MAML1: variants seen among roughly 807,000 people sequenced by gnomAD.
MAML1 encodes the protein mastermind like transcriptional coactivator 1.
A neutral mutation model predicts 77.1 loss-of-function variants in MAML1; 14 were observed. The ratio of observed to expected loss-of-function variants is 0.18; its 90% CI spans 0.12 to 0.28. The LOEUF (loss-of-function observed/expected upper bound fraction) is 0.28, where lower values mean the gene tolerates loss of function less well. Among genes scored for constraint, MAML1 ranks in the 10% least tolerant of loss-of-function variants. The pLI, the probability that MAML1 is intolerant of heterozygous loss-of-function variation, is 1.00. For missense variants in MAML1, 1,217 were observed against 1,327.8 expected, an observed-to-expected ratio of 0.92 and a Z score of 1.30; for synonymous variants, 516 against 551.9, an observed-to-expected ratio of 0.93 and a Z score of 0.91.
rs1299820190 is a variant in MAML1 at position 179,733,133 on chromosome 5, C to T, written c.21C>T (p.Pro7=). The T allele has an allele frequency of 1.5e-5, 21 of 1,442,924 alleles. No individual in the cohort carries two copies. Among genetic ancestry groups the T allele is most frequent in the East Asian group, 6.3e-5 (2 of 31,516 alleles). 89.4% of individuals were successfully genotyped at this position (1,442,924 alleles called of 1,614,324 possible). Reference sequence around the variant, plus strand: ...GGCCCATGGTGCTGCCCACCTGCCCCATGGCGGAGTTCGCGCTGCCGCGGC... The same window carrying T: ...GGCCCATGGTGCTGCCCACCTGCCCTATGGCGGAGTTCGCGCTGCCGCGGC... MVLPTC[P]MAEFALPRHS... Residue 7 remains proline (P), a synonymous_variant, in exon 1 of 5, where the codon CCC becomes CCT. Transcript: ENST00000292599.
intron 4 of MAML1, among the ~76,000 whole-genome samples, chr5:179,772,222 G>A (rs1215570710): frequency 6.6e-6 from 1 of 152,110 alleles, no homozygotes; most frequent in Non-Finnish European, 1.5e-5. Flanking sequence ...AGGTTCAAGC[G>A]ATTCTCCTGC....
At chr5:179,747,689 A>T (rs906271240) in intron 1 of MAML1, among the ~76,000 whole-genome samples, 1 of 150,840 alleles carries the variant, frequency 6.6e-6, no homozygotes, top group Non-Finnish European at 1.5e-5. Context: ...GGGCACCTGT[A>T]GTCCCAGCTA....
intron 3 of MAML1, among the ~76,000 whole-genome samples, chr5:179,770,688 G>A (rs1419238259): frequency 2.6e-5 from 4 of 151,998 alleles, no homozygotes; most frequent in Non-Finnish European, 1.5e-5. Flanking sequence ...ATTTTTCTTG[G>A]GTAGATACCT....
At position 179,733,274 on chromosome 5, in the gene MAML1, A is replaced by C. The variant is rs983082491; in HGVS notation, c.162A>C (p.Gln54His). ...CCGAGCGCCTGGAGCTGGAGCGCCA[A>C]CACACCTTCGCCCTGCACCAGCGCT... The part of the protein sequence containing the change: ...VSPERLELER[Q>H]HTFALHQRCI... Residue 54 changes from glutamine to histidine, a missense_variant, in exon 1 of 5, where the codon CAA becomes CAC. Around this residue, in one of 3 missense-constraint regions of MAML1, gnomAD observed 312 missense variants for 331.4 expected, o/e 0.94. Coordinates refer to ENST00000292599, the MANE Select transcript of MAML1 (RefSeq NM_014757.5). 6.8e-7 allele frequency: 1 copy of C among 1,460,674 alleles called. No individual in the cohort carries two copies. Among genetic ancestry groups the C allele is most frequent in the African/African-American group, 1.5e-5 (1 of 67,512 alleles). 90.5% of individuals were successfully genotyped at this position (1,460,674 alleles called of 1,614,324 possible).
At chr5:179,745,593 G>T (rs1779362939) in intron 1 of MAML1, among the ~76,000 whole-genome samples, 2 of 151,752 alleles carry the variant, frequency 1.3e-5, no homozygotes, top group Admixed American at 1.3e-4. Context: ...AGGTGCAGTG[G>T]CTCACACCTG....
chr5:179,762,778 T>C (rs1307481182), intron 1 of MAML1, among the ~76,000 whole-genome samples: 1 of 152,196 alleles, frequency 6.6e-6, no homozygotes, highest in Non-Finnish European at 1.5e-5. Context: ...TATCAGACAC[T>C]CCTGCAAATG....
intron 1 of MAML1, among the ~76,000 whole-genome samples, chr5:179,753,651 A>ATT (rs372124056): frequency 0.22 from 13,451 of 60,834 alleles, 858 homozygotes; most frequent in South Asian, 0.29. Flanking sequence ...TATTATTATT[A>ATT]TTATTTTTTT....
rs78516477 is a variant in MAML1, at chr5:179,742,846, G to A, written c.315+9419G>A. Among the ~76,000 whole-genome samples, 687 of 152,106 alleles carry A rather than the reference G, an allele frequency of 4.5e-3. 4 individuals are homozygous for A. The highest frequency in any genetic ancestry group is 6.6e-3 in the Non-Finnish European group (448 of 68,014). The stretch of plus-strand genomic sequence containing the variant: ...AGAACATTTCAAATCTTTAATATGC[G>A]GCTATGCATGAAGACATGAGCTCTT... On this transcript the variant is annotated intron_variant, in intron 1 of 4. Coordinates refer to ENST00000292599, the MANE Select transcript of MAML1 (RefSeq NM_014757.5).
intron 1 of MAML1, among the ~76,000 whole-genome samples, chr5:179,736,725 G>GC (rs1372155491): frequency 6.6e-6 from 1 of 152,054 alleles, no homozygotes; most frequent in East Asian, 1.9e-4. Flanking sequence ...ACTTTGGGAG[G>GC]CAGAGGTGGG....
intron 1 of MAML1, among the ~76,000 whole-genome samples, chr5:179,757,593 G>A (rs919485854): frequency 6.6e-6 from 1 of 152,002 alleles, no homozygotes; most frequent in Admixed American, 6.6e-5. Flanking sequence ...ATAGCAATGT[G>A]GAGTTTTAAA....
chr5:179,754,242 A>T (rs114266516), intron 1 of MAML1, among the ~76,000 whole-genome samples: 1,919 of 152,232 alleles, frequency 0.013, 34 homozygotes, highest in African/African-American at 0.044. Flanking sequence ...AGATTGCGCC[A>T]CTGCACTCCA....
intron 1 of MAML1, among the ~76,000 whole-genome samples, chr5:179,760,907 C>T (rs1037471951): frequency 2.6e-5 from 4 of 151,848 alleles, no homozygotes; most frequent in Non-Finnish European, 1.5e-5. Flanking sequence ...CTGGCTAACA[C>T]AGTGAAACCC....
At chr5:179,770,821 T>G in intron 3 of MAML1, 2 of 236,034 alleles carry the variant, frequency 8.5e-6, no homozygotes, top group East Asian at 1.2e-4. Context: ...GGTGCTGATT[T>G]CTCTACATCC....
At position 179,752,598 on chromosome 5, in the gene MAML1, C is replaced by CTTTTTTTTTTT. The variant is rs1172970221; in HGVS notation, c.316-12712_316-12702dup. Among the ~76,000 whole-genome samples the CTTTTTTTTTTT allele has an allele frequency of 1.3e-4, 9 of 71,820 alleles. 2 individuals are homozygous for CTTTTTTTTTTT. Among genetic ancestry groups the CTTTTTTTTTTT allele is most frequent in the African/African-American group, 4.6e-4 (9 of 19,638 alleles). 47.1% of individuals were successfully genotyped at this position (71,820 alleles called of 152,430 possible). A position where few individuals can be genotyped will look rare whatever the true frequency, so the allele number is the denominator to read the frequency against. Reference sequence around the variant, plus strand: ...TGAGTTTAACACTTTATTAGATACTCTTTTTTTTTTTTTTTTTTTTTTTTT... The same window carrying CTTTTTTTTTTT: ...TGAGTTTAACACTTTATTAGATACTCTTTTTTTTTTTTTTTTTTTTTTTTTTTTTTTTTTTT... On this transcript the variant is annotated intron_variant, in intron 1 of 4. Coordinates refer to ENST00000292599, the MANE Select transcript of MAML1 (RefSeq NM_014757.5).
intron 1 of MAML1, 98 bp downstream of exon 1, chr5:179,733,525 G>A (rs1779111294): frequency 1.1e-6 from 1 of 941,986 alleles, no homozygotes; most frequent in Non-Finnish European, 1.3e-6. Context: ...ACTTCCCCAG[G>A]CGTCCGCGAC....
intron 1 of MAML1, among the ~76,000 whole-genome samples, chr5:179,758,799 T>TC (rs1485346471): frequency 6.6e-6 from 1 of 151,208 alleles, no homozygotes; most frequent in East Asian, 2.0e-4. Flanking sequence ...GGTCAGGAGT[T>TC]CAAGACCAGC....
At chr5:179,767,634 C>T (rs1296021660) in intron 2 of MAML1, among the ~76,000 whole-genome samples, 1 of 152,230 alleles carries the variant, frequency 6.6e-6, no homozygotes, top group Non-Finnish European at 1.5e-5. Context: ...GATAATTCCA[C>T]TTACTTCAGC....
chr5:179,752,930 T>C (rs1779523664), intron 1 of MAML1, among the ~76,000 whole-genome samples: 1 of 152,148 alleles, frequency 6.6e-6, no homozygotes, highest in African/African-American at 2.4e-5. Flanking sequence ...CCCGCCATCA[T>C]GCCCAGCTAA....
Position 179,773,036 on chromosome 5 carries a change from C to T in MAML1, c.2069-859C>T, listed in dbSNP as rs189131052. Among the ~76,000 whole-genome samples, 484 of 152,268 alleles carry T rather than the reference C, an allele frequency of 3.2e-3. 1 individual carries two copies. The highest frequency in any genetic ancestry group is 5.9e-3 in the Admixed American group (90 of 15,302). ...CTCCCGAGTAGCTGGGGGCGCGCGCCGCCACGCCTGGCTAATTTTTGTATT... is the reference window on the plus strand; with the variant it reads ...CTCCCGAGTAGCTGGGGGCGCGCGCTGCCACGCCTGGCTAATTTTTGTATT... On this transcript the variant is annotated intron_variant, in intron 4 of 4. Transcript: ENST00000292599.
Sources: gnomAD v4.1 joint callset for allele counts (sites outside exome capture counted in the v4.1 genomes callset) on GRCh38, gnomAD v4.1.1 for gene constraint, gnomAD v4.1.1 regional missense constraint, MANE v1.5 for transcripts, NCBI Gene and HGNC (gene_info 2026-07-23, HGNC 2026-07-21) for gene names.